Variants in TBXAS1 observed in about 807,000 individuals in gnomAD.
The protein encoded by TBXAS1 is thromboxane A synthase 1.
In TBXAS1, 48 loss-of-function variants were observed where a neutral mutation model predicts 60.7. The observed-to-expected ratio is 0.79, with a 90% CI of 0.63 to 1.01. The LOEUF is 1.01. TBXAS1 is among the 50% of genes least tolerant of loss of function. TBXAS1 has a pLI of 0.00. For missense variants in TBXAS1, 685 were observed against 686.3 expected (o/e 1.00, Z 0.02); for synonymous variants, 287 against 269.7 (o/e 1.06, Z -0.63).
At chr7:139,874,694 C>G (rs756178744) in intron 2 of TBXAS1, among the ~76,000 whole-genome samples, 11 of 152,030 alleles carry the variant, frequency 7.2e-5, no homozygotes, top group Non-Finnish European at 1.6e-4. Flanking sequence ...CCACCCCCCA[C>G]ACCCACCCCA....
chr7:139,881,457 C>G (rs559488379), intron 3 of TBXAS1, among the ~76,000 whole-genome samples: 5 of 151,922 alleles, frequency 3.3e-5, no homozygotes, highest in South Asian at 2.1e-4. Flanking sequence ...ACCCTTTTTC[C>G]CCCCCTCCAG....
At chr7:140,010,975 CAAAA>C (rs557900360) in intron 10 of TBXAS1, among the ~76,000 whole-genome samples, 1 of 135,618 alleles carries the variant, frequency 7.4e-6, no homozygotes. Flanking sequence ...AAAACAAAAC[CAAAA>C]AAAAAAAAAC....
intron 1 of TBXAS1, among the ~76,000 whole-genome samples, chr7:139,830,187 G>A (rs773403244): frequency 3.3e-5 from 5 of 152,192 alleles, no homozygotes; most frequent in Admixed American, 2.6e-4. Context: ...ATGCATATTC[G>A]CCCTGTCAGT....
At chr7:139,978,777 A>AC (rs1811751885) in intron 9 of TBXAS1, among the ~76,000 whole-genome samples, 1 of 69,316 alleles carries the variant, frequency 1.4e-5, no homozygotes, top group Non-Finnish European at 3.3e-5. Flanking sequence ...TGCCTCTACA[A>AC]AAAAAAAAAA....
intron 3 of TBXAS1, among the ~76,000 whole-genome samples, chr7:139,786,026 A>AT (rs759723332): frequency 1.7e-4 from 21 of 123,582 alleles, no homozygotes; most frequent in Non-Finnish European, 3.1e-4. Context: ...TGCTGCATTC[A>AT]TTTTTTCCTA....
At chr7:139,859,263 G>A (rs1800805058) in intron 1 of TBXAS1, among the ~76,000 whole-genome samples, 1 of 145,962 alleles carries the variant, frequency 6.9e-6, no homozygotes, top group South Asian at 2.1e-4. Context: ...CTGGAGTGCA[G>A]TGGCATGATC....
intron 9 of TBXAS1, among the ~76,000 whole-genome samples, chr7:139,988,544 G>A (rs1009982987): frequency 2.6e-5 from 4 of 152,234 alleles, no homozygotes; most frequent in Non-Finnish European, 5.9e-5. Flanking sequence ...CCGTGGTCCT[G>A]CCCAGAACCC....
intron 4 of TBXAS1, among the ~76,000 whole-genome samples, chr7:139,914,186 T>C (rs1249027024): frequency 6.6e-6 from 1 of 151,602 alleles, no homozygotes; most frequent in African/African-American, 2.4e-5. Flanking sequence ...TGTGCCACCA[T>C]GCCTGGCTAA....
intron 9 of TBXAS1, among the ~76,000 whole-genome samples, chr7:139,979,829 G>GT (rs895330946): frequency 4.0e-5 from 6 of 150,638 alleles, no homozygotes; most frequent in African/African-American, 9.8e-5. Context: ...GTTTTTTGGG[G>GT]TTTTTTTTAT....
chr7:139,851,268 T>A (rs527490264), intron 1 of TBXAS1, among the ~76,000 whole-genome samples: 1 of 152,354 alleles, frequency 6.6e-6, no homozygotes, highest in African/African-American at 2.4e-5. Flanking sequence ...TCAGGAGGCC[T>A]GGACTGTGGC....
chr7:139,964,328 G>A (rs552379511), intron 9 of TBXAS1, among the ~76,000 whole-genome samples: 9 of 152,236 alleles, frequency 5.9e-5, no homozygotes, highest in South Asian at 2.1e-4. Flanking sequence ...CAGGTGATCC[G>A]CCTGCCTCGG....
At chr7:139,979,749 AAT>A (rs1811831180) in intron 9 of TBXAS1, among the ~76,000 whole-genome samples, 1 of 147,820 alleles carries the variant, frequency 6.8e-6, no homozygotes, top group Admixed American at 6.8e-5. Flanking sequence ...TAATAATAAT[AAT>A]AATAATAATA....
chr7:139,818,519 T>A (rs1226825043), intron 4 of TBXAS1, among the ~76,000 whole-genome samples: 1 of 152,104 alleles, frequency 6.6e-6, no homozygotes, highest in Non-Finnish European at 1.5e-5. Flanking sequence ...CCTCCCTCAC[T>A]CAGTTCTTAT....
intron 9 of TBXAS1, among the ~76,000 whole-genome samples, chr7:139,983,484 A>G (rs1812108445): frequency 1.3e-5 from 2 of 152,118 alleles, no homozygotes; most frequent in South Asian, 4.1e-4. Flanking sequence ...CAAATACAGA[A>G]CTCCAGTCTT....
chr7:139,840,056 C>A (rs10261500), intron 1 of TBXAS1, among the ~76,000 whole-genome samples: 10,536 of 151,540 alleles, frequency 0.07, 1,215 homozygotes, highest in African/African-American at 0.24. Context: ...ATTCTAAGAC[C>A]AGTTTAAATT....
intron 9 of TBXAS1, among the ~76,000 whole-genome samples, chr7:139,981,860 T>C (rs776295271): frequency 9.8e-5 from 15 of 152,352 alleles, no homozygotes; most frequent in East Asian, 1.9e-4. Flanking sequence ...AAAACTCTTA[T>C]CAGAAAGATG....
intron 4 of TBXAS1, among the ~76,000 whole-genome samples, chr7:139,919,309 G>A (rs762925659): frequency 1.3e-5 from 2 of 152,290 alleles, no homozygotes; most frequent in Admixed American, 6.5e-5. Context: ...CTTTGTGACC[G>A]TGGTCCTCTT....
chr7:139,990,379 C>T (rs1812800183), intron 9 of TBXAS1, among the ~76,000 whole-genome samples: 1 of 152,206 alleles, frequency 6.6e-6, no homozygotes, highest in East Asian at 1.9e-4. Context: ...TTCATTCCAG[C>T]ATGACTACTG....
chr7:139,865,513 G>T (rs527698396), intron 1 of TBXAS1, among the ~76,000 whole-genome samples: 1 of 151,716 alleles, frequency 6.6e-6, no homozygotes, highest in East Asian at 1.9e-4. Flanking sequence ...TTTTAAATCA[G>T]TTAGTGGAGC....
Sources: allele counts gnomAD v4.1 joint callset (sites outside exome capture counted in the v4.1 genomes callset), GRCh38; gene constraint gnomAD v4.1.1; transcripts MANE v1.5; gene names NCBI Gene and HGNC (gene_info 2026-07-23, HGNC 2026-07-21).